The following MYOM2 variants were observed in gnomAD, a reference collection of about 807,000 sequenced individuals.
MYOM2 encodes myomesin-2.
In MYOM2, 254 loss-of-function variants were observed where a neutral mutation model predicts 187.6. The observed-to-expected ratio is 1.35, with a 90% confidence interval of 1.22 to 1.50. The LOEUF is 1.50. Ranked by LOEUF, MYOM2 falls within the 40% of genes most tolerant of loss-of-function variation. The probability of loss-of-function intolerance (pLI) is 0.00; values close to 1 mark genes in which losing one functional copy is unlikely to be tolerated. For synonymous variants in MYOM2, 981 were observed against 753.8 expected, an observed-to-expected ratio of 1.30 and a Z score of -4.94; for missense variants, 2,796 against 1,924.0, an observed-to-expected ratio of 1.45 and a Z score of -8.48.
intron 32 of MYOM2, among the ~76,000 whole-genome samples, chr8:2,139,919 C>T (rs1798216540): frequency 6.6e-6 from 1 of 152,274 alleles, no homozygotes; most frequent in South Asian, 2.1e-4. Flanking sequence ...TAGCATAATA[C>T]ACATAATGTA....
intron 25 of MYOM2, among the ~76,000 whole-genome samples, chr8:2,115,383 T>C (rs1325293200): frequency 6.6e-6 from 1 of 152,222 alleles, no homozygotes; most frequent in Non-Finnish European, 1.5e-5. Flanking sequence ...TTCATATGTA[T>C]CTGTGCATGT....
intron 6 of MYOM2, among the ~76,000 whole-genome samples, chr8:2,060,829 A>T (rs1329274605): frequency 7.7e-6 from 1 of 130,074 alleles, no homozygotes; most frequent in Non-Finnish European, 1.7e-5. Context: ...ATTAAGGAAG[A>T]CTTCCTTCAA....
At chr8:2,050,527 C>G (rs1347531944) in intron 1 of MYOM2, among the ~76,000 whole-genome samples, 1 of 152,194 alleles carries the variant, frequency 6.6e-6, no homozygotes, top group Non-Finnish European at 1.5e-5. Flanking sequence ...CCCAATCTTC[C>G]AACTGTTGTG....
intron 6 of MYOM2, among the ~76,000 whole-genome samples, chr8:2,068,496 G>A (rs1031427961): frequency 2.0e-5 from 3 of 149,920 alleles, no homozygotes; most frequent in Admixed American, 6.6e-5. Context: ...TTCAATGCCC[G>A]TGTGCACCAG....
At chr8:2,105,172 C>T (rs1796850208) in intron 21 of MYOM2, among the ~76,000 whole-genome samples, 1 of 152,148 alleles carries the variant, frequency 6.6e-6, no homozygotes, top group African/African-American at 2.4e-5. Context: ...ATCCAAACCA[C>T]AGCCCCAGAG....
intron 32 of MYOM2, among the ~76,000 whole-genome samples, chr8:2,131,468 G>A (rs1281157683): frequency 6.6e-6 from 1 of 151,752 alleles, no homozygotes; most frequent in Non-Finnish European, 1.5e-5. Flanking sequence ...AGGCAGATCG[G>A]GGCACAGCTC....
chr8:2,093,820 C>T, intron 16 of MYOM2, 150 bp from the exon 17 acceptor site: 1 of 932,744 alleles, frequency 1.1e-6, no homozygotes, highest in Non-Finnish European at 1.6e-6. Flanking sequence ...TCGGACTCTA[C>T]ATGTTGAGCT....
intron 6 of MYOM2, among the ~76,000 whole-genome samples, chr8:2,059,988 T>G (rs11136461): frequency 0.39 from 59,450 of 152,098 alleles, 12,225 homozygotes; most frequent in East Asian, 0.77. Context: ...GTGATCCACC[T>G]GCCTCGGTCT....
chr8:2,064,098 A>T (rs1554541528), intron 6 of MYOM2, among the ~76,000 whole-genome samples: 2 of 152,212 alleles, frequency 1.3e-5, no homozygotes, highest in Non-Finnish European at 1.5e-5. Context: ...CCAAGTGGAC[A>T]CAGGCTAAGC....
At chr8:2,133,051 A>G (rs3824174) in intron 32 of MYOM2, among the ~76,000 whole-genome samples, 57,270 of 151,806 alleles carry the variant, frequency 0.38, 11,164 homozygotes, top group Non-Finnish European at 0.43. Context: ...CTGGCCTGTG[A>G]CAGCTGCAGG....
chr8:2,124,293 T>G (rs1396133171), intron 31 of MYOM2, 76 bp downstream of exon 31: 4 of 1,427,970 alleles, frequency 2.8e-6, no homozygotes, highest in Non-Finnish European at 3.9e-6. Flanking sequence ...AAGTCACTGC[T>G]GCAAAAGAGG....
At chr8:2,084,872 C>T (rs777635593) in intron 13 of MYOM2, 16 of 174,062 alleles carry the variant, frequency 9.2e-5, no homozygotes, top group Admixed American at 2.3e-4. Context: ...CGCCTCCATC[C>T]GCGGTGCTTC....
At chr8:2,089,585 T>C (rs1414329227) in intron 14 of MYOM2, among the ~76,000 whole-genome samples, 1 of 152,242 alleles carries the variant, frequency 6.6e-6, no homozygotes, top group Non-Finnish European at 1.5e-5. Flanking sequence ...ATTTAATCAC[T>C]ACTGCAAGTA....
At chr8:2,049,661 A>G (rs902591039) in intron 1 of MYOM2, among the ~76,000 whole-genome samples, 5 of 152,192 alleles carry the variant, frequency 3.3e-5, no homozygotes, top group African/African-American at 4.8e-5. Context: ...TTTAAACAGA[A>G]AAGTAAAAAA....
At chr8:2,101,224 G>T (rs1796699777) in intron 20 of MYOM2, among the ~76,000 whole-genome samples, 170 bp downstream of exon 20, 1 of 152,114 alleles carries the variant, frequency 6.6e-6, no homozygotes, top group African/African-American at 2.4e-5. Context: ...ACCGTGGCAG[G>T]CACCTGTAAT....
At chr8:2,140,676 TGACATGG>T in intron 32 of MYOM2, 40 bp from the exon 33 acceptor site, 1 of 1,596,406 alleles carries the variant, frequency 6.3e-7, no homozygotes, top group Admixed American at 1.7e-5. Flanking sequence ...ATTGTGCGTG[TGACATGG>T]AGACCCTAAC....
At chr8:2,106,728 T>C in intron 23 of MYOM2, 131 bp downstream of exon 23, 1 of 653,538 alleles carries the variant, frequency 1.5e-6, no homozygotes, top group Non-Finnish European at 2.6e-6. Context: ...GTGGGGGCTA[T>C]GTATATAAGC....
chr8:2,116,397 A>G, intron 27 of MYOM2, 122 bp downstream of exon 27: 1 of 968,796 alleles, frequency 1.0e-6, no homozygotes. Context: ...TTAAATGATT[A>G]AGAGGTTAGG....
intron 8 of MYOM2, among the ~76,000 whole-genome samples, 155 bp from the exon 9 acceptor site, chr8:2,072,190 C>G (rs1474606128): frequency 2.0e-5 from 3 of 152,250 alleles, no homozygotes; most frequent in African/African-American, 7.2e-5. Context: ...GAGGTCGCAC[C>G]ACTGCACTCC....
Sources: gnomAD v4.1 joint callset for allele counts (sites outside exome capture counted in the v4.1 genomes callset) on GRCh38, gnomAD v4.1.1 for gene constraint, MANE v1.5 for transcripts, NCBI Gene and HGNC (gene_info 2026-07-23, HGNC 2026-07-21) for gene names.